Variants in ESPNL observed in about 807,000 individuals in gnomAD.
ESPNL encodes the protein espin like, also known as espin-like protein.
A neutral mutation model predicts 46.8 loss-of-function variants in ESPNL; 49 were observed. The observed-to-expected ratio is 1.05, with a 90% CI of 0.83 to 1.33. ESPNL has a LOEUF of 1.33. Ranked by LOEUF, ESPNL falls within the 40% of genes most tolerant of loss-of-function variation. The pLI is 0.00. For missense variants in ESPNL, 1,540 were observed against 1,436.6 expected (o/e 1.07, Z -1.16); for synonymous variants, 664 against 662.1 (o/e 1.00, Z -0.04).
chr2:238,108,006 G>A (rs377567140), intron 4 of ESPNL, 33 bp downstream of exon 4: 11 of 1,581,588 alleles, frequency 7.0e-6, no homozygotes, highest in Admixed American at 1.7e-5. Flanking sequence ...AGGGTGAGCA[G>A]TCACAAGTGC....
intron 5 of ESPNL, among the ~76,000 whole-genome samples, chr2:238,120,519 G>T (rs547706202): frequency 9.2e-5 from 14 of 152,390 alleles, no homozygotes; most frequent in African/African-American, 3.1e-4. Context: ...GGTAGTGGAG[G>T]ACGGGTCGTG....
Position 238,131,787 on chromosome 2 carries a change from C to T in ESPNL, c.*55C>T, listed in dbSNP as rs752851066. ...GGTTTGGGGGTGACTTGGAGTTTCTCTTTTCTTTTCCTTGCTCACACCCTT... is the reference window on the plus strand; with the variant it reads ...GGTTTGGGGGTGACTTGGAGTTTCTTTTTTCTTTTCCTTGCTCACACCCTT... On this transcript the variant is annotated 3_prime_UTR_variant, in exon 9 of 9. Transcript: ENST00000343063. 308 of 1,522,358 alleles carry T rather than the reference C, an allele frequency of 2.0e-4. 1 individual carries two copies. Among genetic ancestry groups the T allele is most frequent in the Non-Finnish European group, 2.6e-4 (298 of 1,130,862 alleles). 94.3% of individuals were successfully genotyped at this position (1,522,358 alleles called of 1,614,324 possible).
intron 5 of ESPNL, among the ~76,000 whole-genome samples, chr2:238,118,907 T>G (rs1574737256): frequency 2.8e-5 from 3 of 108,730 alleles, no homozygotes; most frequent in Non-Finnish European, 3.7e-5. Flanking sequence ...ACGGAGGAGG[T>G]GGATGGAGGA....
rs369845298 is a variant in ESPNL, at chr2:238,101,932, G to A, written c.295-9G>A. 28 of 1,602,796 alleles carry A rather than the reference G, an allele frequency of 1.7e-5. No homozygotes were observed. In the Admixed American group the frequency reaches 4.5e-4, roughly 26 times the overall value. On this transcript the variant is annotated splice_polypyrimidine_tract_variant and intron_variant, in intron 1 of 8. Transcript: ENST00000343063. Reference sequence around the variant, plus strand: ...CCCCCCACTCACTGACCTACCCGGGGCTTGGTAGGACCAAGATGCCTCGGG... The same window carrying A: ...CCCCCCACTCACTGACCTACCCGGGACTTGGTAGGACCAAGATGCCTCGGG...
In ESPNL at chr2:238,100,683, G is replaced by A. The variant is rs1279751095; in HGVS notation, c.264G>A (p.Trp88Ter). The stretch of plus-strand genomic sequence containing the variant: ...CGGGCAGCCTGGCCGAGCTGTGCTG[G>A]CTGGTCCGCGAGGGGGGCTGCGGTC... ...AATGSLAELC[W>*]LVREGGCGLQ... Residue 88 changes from tryptophan (W) to a stop codon, truncating the protein, a stop_gained, in exon 1 of 9, where the codon TGG (tryptophan) becomes TGA (stop). Coordinates refer to ENST00000343063, the MANE Select transcript of ESPNL (RefSeq NM_194312.4). LOFTEE classifies it high-confidence loss of function. 2 of 1,437,708 alleles carry A rather than the reference G, an allele frequency of 1.4e-6. No individual in the cohort carries two copies. Among genetic ancestry groups the A allele is most frequent in the South Asian group, 1.5e-5 (1 of 67,680 alleles). 89.1% of individuals were successfully genotyped at this position (1,437,708 alleles called of 1,614,324 possible). A position where few individuals can be genotyped will look rare whatever the true frequency, so the allele number is the denominator to read the frequency against.
intron 7 of ESPNL, 53 bp from the exon 8 acceptor site, chr2:238,128,654 A>C: frequency 6.6e-7 from 1 of 1,520,514 alleles, no homozygotes; most frequent in Non-Finnish European, 8.9e-7. Context: ...TCTTCCCTCC[A>C]CTCAGGGCCT....
At chr2:238,102,965 C>T (rs956081377) in intron 2 of ESPNL, among the ~76,000 whole-genome samples, 50 of 152,230 alleles carry the variant, frequency 3.3e-4, no homozygotes, top group African/African-American at 4.8e-5. Flanking sequence ...CTTGTGGAAT[C>T]GGGTTCTCAT....
chr2:238,118,213 GAGC>G (rs141225607), intron 5 of ESPNL, among the ~76,000 whole-genome samples: 17,560 of 128,686 alleles, frequency 0.14, 1,754 homozygotes, highest in African/African-American at 0.18. Flanking sequence ...AGGGCAGATG[GAGC>G]AGCAGATGGA....
rs1476117573 is a variant in ESPNL, at chr2:238,130,768, G to C, written c.2054G>C (p.Ser685Thr). 1.3e-6 allele frequency: 2 copies of C among 1,552,200 alleles called. No individual in the cohort carries two copies. The highest frequency in any genetic ancestry group is 2.7e-5 in the African/African-American group (2 of 73,766). Residue 685 changes from serine (S) to threonine (T), a missense_variant, in exon 9 of 9, where the codon AGT (serine) becomes ACT (threonine). By Grantham distance (58) the Ser-to-Thr change is moderately conservative. Coordinates refer to ENST00000343063, the MANE Select transcript of ESPNL (RefSeq NM_194312.4). ...GGGGCCCAGCACAGGCAGTGCCTGAGTGGCTGCTGGCCAGCCCTGCCTAAG... is the reference window on the plus strand; with the variant it reads ...GGGGCCCAGCACAGGCAGTGCCTGACTGGCTGCTGGCCAGCCCTGCCTAAG... ...EPGAQHRQCL[S>T]GCWPALPKPR...
At chr2:238,121,157 G>T (rs1343724376) in intron 5 of ESPNL, among the ~76,000 whole-genome samples, 1 of 152,216 alleles carries the variant, frequency 6.6e-6, no homozygotes, top group Non-Finnish European at 1.5e-5. Flanking sequence ...GAGGGATGCG[G>T]TCTTGAAGGC....
At position 238,114,957 on chromosome 2, in the gene ESPNL, G is replaced by A. The variant is rs577596602; in HGVS notation, c.856-1946G>A. On this transcript the variant is annotated intron_variant, in intron 4 of 8. Coordinates refer to ENST00000343063, the MANE Select transcript of ESPNL (RefSeq NM_194312.4). The surrounding 1 kb of genome is among the most constrained non-coding windows in gnomAD (Gnocchi z 5.0). The stretch of plus-strand genomic sequence containing the variant: ...GCACCCAGGAAGGCAGGCAGTGCGT[G>A]AGCAGACACCCCAGTCTGCAGCTTA... 1.3e-5 allele frequency among the ~76,000 whole-genome samples: 2 copies of A among 152,356 alleles called. No individual in the cohort carries two copies. The highest frequency in any genetic ancestry group is 6.5e-5 in the Admixed American group (1 of 15,306).
At chr2:238,119,732 T>G (rs1161573161) in intron 5 of ESPNL, among the ~76,000 whole-genome samples, 1 of 152,036 alleles carries the variant, frequency 6.6e-6, no homozygotes, top group Non-Finnish European at 1.5e-5. Context: ...GGCCCTTCTT[T>G]TCGGGTGAGG....
At position 238,128,806 on chromosome 2, in the gene ESPNL, C is replaced by T; in HGVS notation, c.1315C>T (p.Arg439Trp). ...CGACATCGACGGGCTGGTGCCCACG[C>T]GGGATGAGCGCGGCCAGCCCATCCC... is the stretch of plus-strand genomic sequence containing the variant. ...SGDIDGLVPT[R>W]DERGQPIPEW... Residue 439 changes from arginine to tryptophan, a missense_variant, in exon 8 of 9, where the codon CGG becomes TGG. Coordinates refer to ENST00000343063, the MANE Select transcript of ESPNL (RefSeq NM_194312.4). 6.4e-7 allele frequency: 1 copy of T among 1,557,938 alleles called. No individual in the cohort carries two copies. The highest frequency in any genetic ancestry group is 8.7e-7 in the Non-Finnish European group (1 of 1,151,782).
rs558015828 is a variant in ESPNL, at chr2:238,122,650, C to T, written c.988-2620C>T. Among the ~76,000 whole-genome samples, 24 of 152,348 alleles carry T rather than the reference C, an allele frequency of 1.6e-4. No individual in the cohort carries two copies. In the South Asian group the frequency reaches 5.0e-3, roughly 32 times the overall value. The stretch of plus-strand genomic sequence containing the variant: ...GCGGCTGCCATCCTGCCAAGCCCCT[C>T]ACTCTGCCAGGGGTGGCCCCTCTCC... On this transcript the variant is annotated intron_variant, in intron 5 of 8. Transcript: ENST00000343063.
chr2:238,101,994 C>G lies in ESPNL; in HGVS notation c.348C>G (p.His116Gln). 2 of 1,610,668 alleles carry G rather than the reference C, an allele frequency of 1.2e-6. No homozygotes were observed. The highest frequency in any genetic ancestry group is 1.7e-6 in the Non-Finnish European group (2 of 1,179,710). ...TGCACCTGGCCGCCCGTTTTGGACA[C>G]CCAGTGCTGGTGGAGTGGCTGCTCC... Reference protein sequence around the residue: ...SPLHLAARFGHPVLVEWLLHE... With the variant: ...SPLHLAARFGQPVLVEWLLHE... Residue 116 changes from histidine (H) to glutamine (Q), a missense_variant, in exon 2 of 9, where the codon CAC becomes CAG. Coordinates refer to ENST00000343063, the MANE Select transcript of ESPNL (RefSeq NM_194312.4).
rs1036699908 is a variant in ESPNL at position 238,128,842 on chromosome 2, C to T, written c.1351C>T (p.Arg451Trp). Residue 451 changes from arginine (R) to tryptophan (W), a missense_variant, in exon 8 of 9, where the codon CGG (arginine) becomes TGG (tryptophan). By Grantham distance (101) the Arg-to-Trp change is moderately radical. Coordinates refer to ENST00000343063, the MANE Select transcript of ESPNL (RefSeq NM_194312.4). The stretch of plus-strand genomic sequence containing the variant: ...CGGCCAGCCCATCCCAGAGTGGAAG[C>T]GGCAGGTGATGGTGCGGAAGCTGCA... The part of the protein sequence containing the change: ...ERGQPIPEWK[R>W]QVMVRKLQAR... 4 of 1,549,132 alleles carry T rather than the reference C, an allele frequency of 2.6e-6. No homozygotes were observed. Among genetic ancestry groups the T allele is most frequent in the Middle Eastern group, 1.8e-4 (1 of 5,484 alleles).
rs1203036554 is a variant in ESPNL, at chr2:238,114,629, A to G, written c.856-2274A>G. 1.3e-5 allele frequency among the ~76,000 whole-genome samples: 2 copies of G among 152,216 alleles called. No individual in the cohort carries two copies. The highest frequency in any genetic ancestry group is 2.9e-5 in the Non-Finnish European group (2 of 68,034). ...CCCTTCTGGGCCTCCAGGAGCCTTC[A>G]GGCGTTATCTGGTTCAAGCCTCCCA... On this transcript the variant is annotated intron_variant, in intron 4 of 8. Coordinates refer to ENST00000343063, the MANE Select transcript of ESPNL (RefSeq NM_194312.4). The surrounding 1 kb of genome is among the most constrained non-coding windows in gnomAD (Gnocchi z 5.0).
chr2:238,121,079 T>A (rs970408021), intron 5 of ESPNL, among the ~76,000 whole-genome samples: 2 of 152,176 alleles, frequency 1.3e-5, no homozygotes, highest in Non-Finnish European at 2.9e-5. Context: ...CAGCTCGGGC[T>A]CTGCTCAGGG....
intron 3 of ESPNL, among the ~76,000 whole-genome samples, chr2:238,105,944 T>C (rs982344279): frequency 1.2e-4 from 18 of 152,076 alleles, no homozygotes; most frequent in African/African-American, 4.3e-4. Flanking sequence ...CCCCGGGGCC[T>C]TTGCATGCAC....
Sources: allele counts gnomAD v4.1 joint callset (sites outside exome capture counted in the v4.1 genomes callset), GRCh38; gene constraint gnomAD v4.1.1; non-coding constraint Gnocchi (gnomAD v3.1); transcripts MANE v1.5; gene names NCBI Gene and HGNC (gene_info 2026-07-23, HGNC 2026-07-21).